The following RGS22 variants were observed in gnomAD, a reference collection of about 807,000 sequenced individuals.
The protein encoded by RGS22 is regulator of G-protein signaling 22.
Under a neutral mutation model 172.9 loss-of-function variants are expected in RGS22, and 148 were observed. That is an observed-to-expected ratio of 0.86 (90% confidence interval 0.75 to 0.98). The LOEUF (loss-of-function observed/expected upper bound fraction) is 0.98. RGS22 is among the 50% of genes least tolerant of loss of function. RGS22 has a pLI of 0.00. For synonymous variants in RGS22, 458 were observed against 480.2 expected (o/e 0.95, Z 0.60); for missense variants, 1,347 against 1,440.8 (o/e 0.93, Z 1.05).
At chr8:100,066,523 AAT>A (rs916197380) in intron 6 of RGS22, among the ~76,000 whole-genome samples, 3 of 152,182 alleles carry the variant, frequency 2.0e-5, no homozygotes, top group Non-Finnish European at 4.4e-5. Context: ...ACCAAAGGAA[AAT>A]ATGTGTCCAA....
In RGS22 at chr8:100,001,891, C is replaced by T. The variant is rs1815130161; in HGVS notation, c.2790+311G>A. Among the ~76,000 whole-genome samples the T allele has an allele frequency of 2.0e-5, 3 of 152,246 alleles. No individual in the cohort carries two copies. The Middle Eastern group carries it at 0.01, about 518-fold the overall frequency. ...ATCTTCTTCACCACTTTATCTTGAG[C>T]ACCTAGAACAGTCTGGCATAGTGAA... On this transcript the variant is annotated intron_variant, in intron 18 of 27. Coordinates refer to ENST00000360863, the MANE Select transcript of RGS22 (RefSeq NM_015668.5).
At chr8:100,051,999 ATTTATATATAAATG>A (rs1173667557) in intron 10 of RGS22, among the ~76,000 whole-genome samples, 1 of 83,536 alleles carries the variant, frequency 1.2e-5, no homozygotes, top group Non-Finnish European at 2.1e-5. Flanking sequence ...ATATTTATAT[ATTTATATATAAATG>A]TTTATATATA....
At chr8:100,037,741 A>C (rs914182011) in intron 14 of RGS22, among the ~76,000 whole-genome samples, 1 of 152,220 alleles carries the variant, frequency 6.6e-6, no homozygotes, top group Non-Finnish European at 1.5e-5. Context: ...TTGAACAGAC[A>C]GGGGCAATAG....
intron 2 of RGS22, 129 bp from the exon 3 acceptor site, chr8:100,093,638 T>C: frequency 1.6e-6 from 1 of 628,202 alleles, no homozygotes. Flanking sequence ...CAGTCAACAG[T>C]GAACCCTCAC....
intron 11 of RGS22, among the ~76,000 whole-genome samples, chr8:100,046,705 A>C (rs1820758182): frequency 6.6e-6 from 1 of 151,224 alleles, no homozygotes; most frequent in Admixed American, 6.6e-5. Context: ...AACTCAGCCA[A>C]AACCCAGAGA....
chr8:100,029,712 A>AG (rs1284553203), intron 14 of RGS22, among the ~76,000 whole-genome samples: 2 of 150,880 alleles, frequency 1.3e-5, no homozygotes, highest in African/African-American at 4.8e-5. Context: ...CAAAAAAAAA[A>AG]AAAAAAAAAA....
At chr8:100,088,612 G>A (rs1001747397) in intron 3 of RGS22, among the ~76,000 whole-genome samples, 1 of 152,148 alleles carries the variant, frequency 6.6e-6, no homozygotes, top group African/African-American at 2.4e-5. Flanking sequence ...GATTTGGAAA[G>A]TGCTGCAATC....
At chr8:100,015,578 C>G (rs1457781444) in intron 14 of RGS22, among the ~76,000 whole-genome samples, 2 of 152,136 alleles carry the variant, frequency 1.3e-5, no homozygotes, top group Non-Finnish European at 2.9e-5. Flanking sequence ...CAAGTGTGAG[C>G]CACCATGCCT....
chr8:99,999,923 A>T (rs1194274940), intron 18 of RGS22, among the ~76,000 whole-genome samples: 1 of 152,198 alleles, frequency 6.6e-6, no homozygotes, highest in Non-Finnish European at 1.5e-5. Context: ...TGGAGATAGG[A>T]TGATGGCAGC....
chr8:100,072,338 C>T, intron 4 of RGS22, 108 bp from the exon 5 acceptor site: 1 of 601,134 alleles, frequency 1.7e-6, no homozygotes, highest in Non-Finnish European at 2.8e-6. Flanking sequence ...CAGCAGGAGC[C>T]CTACCCCTAG....
intron 19 of RGS22, among the ~76,000 whole-genome samples, chr8:99,997,449 T>C (rs1373383354): frequency 6.6e-6 from 1 of 152,224 alleles, no homozygotes; most frequent in African/African-American, 2.4e-5. Flanking sequence ...CCAAAGCTTA[T>C]TTCCAGAAAC....
chr8:99,996,560 G>C, intron 19 of RGS22, 30 bp from the exon 20 acceptor site: 1 of 1,567,094 alleles, frequency 6.4e-7, no homozygotes, highest in East Asian at 2.2e-5. Flanking sequence ...TTTTATCCCA[G>C]TTATTCAGAC....
intron 14 of RGS22, among the ~76,000 whole-genome samples, chr8:100,011,343 A>G (rs1224710072): frequency 6.6e-6 from 1 of 152,196 alleles, no homozygotes; most frequent in Non-Finnish European, 1.5e-5. Context: ...TAGCTAGACA[A>G]GAAATTATAT....
At chr8:100,063,310 T>G (rs1405148295) in intron 8 of RGS22, 106 bp downstream of exon 8, 2 of 723,056 alleles carry the variant, frequency 2.8e-6, no homozygotes, top group Non-Finnish European at 4.2e-6. Context: ...AGTAAAAAAT[T>G]ACATTTTTTA....
At chr8:99,999,507 C>A (rs1251815765) in intron 18 of RGS22, 87 bp from the exon 19 acceptor site, 1 of 1,440,258 alleles carries the variant, frequency 6.9e-7, no homozygotes, top group South Asian at 1.3e-5. Context: ...ACTACAAAAC[C>A]ATTTGCTGCA....
chr8:99,977,352 A>G (rs1812084861), intron 23 of RGS22, among the ~76,000 whole-genome samples: 1 of 139,242 alleles, frequency 7.2e-6, no homozygotes, highest in African/African-American at 2.7e-5. Flanking sequence ...CGAACTCCTG[A>G]GCTCAGGCAA....
intron 23 of RGS22, among the ~76,000 whole-genome samples, chr8:99,975,463 T>C (rs1811827997): frequency 1.3e-5 from 2 of 152,160 alleles, no homozygotes; most frequent in Admixed American, 6.5e-5. Context: ...GGTTATGCTA[T>C]ATTCTGTAAA....
At chr8:100,043,454 A>C (rs1019680668) in intron 11 of RGS22, among the ~76,000 whole-genome samples, 5 of 152,238 alleles carry the variant, frequency 3.3e-5, no homozygotes, top group African/African-American at 7.2e-5. Flanking sequence ...TCTGATGAGA[A>C]CAAAAACCTT....
In RGS22 at chr8:100,070,043, A is replaced by C. The variant is rs1209614860; in HGVS notation, c.594+1326T>G. ...ACTCTGTCTCAAAAAAAAAAAAAAA[A>C]AAAAACAAAACAAAACTAGGAGAGT... On this transcript the variant is annotated intron_variant, in intron 6 of 27. Coordinates refer to ENST00000360863, the MANE Select transcript of RGS22 (RefSeq NM_015668.5). Among the ~76,000 whole-genome samples, 26 of 150,088 alleles carry C rather than the reference A, an allele frequency of 1.7e-4. No homozygotes were observed. The East Asian group carries it at 3.9e-3, about 22-fold the overall frequency.
Sources: gnomAD v4.1 joint callset for allele counts (sites outside exome capture counted in the v4.1 genomes callset) on GRCh38, gnomAD v4.1.1 for gene constraint, MANE v1.5 for transcripts, NCBI Gene and HGNC (gene_info 2026-07-23, HGNC 2026-07-21) for gene names.